Variants in TYW1B observed in about 807,000 individuals in gnomAD.
TYW1B encodes the protein tRNA-yW synthesizing protein 1 homolog B.
TYW1B carries 73 observed loss-of-function variants against 86.9 expected under a neutral mutation model. That is an observed-to-expected ratio of 0.84 (90% CI 0.70 to 1.02). The LOEUF is 1.02. TYW1B is among the 50% of genes least tolerant of loss of function. The pLI is 0.00. For missense variants in TYW1B, 637 were observed against 827.4 expected (o/e 0.77, Z 2.82); for synonymous variants, 248 against 292.8 (o/e 0.85, Z 1.56).
At chr7:72,751,369 T>C (rs2129571492) in intron 7 of TYW1B, among the ~76,000 whole-genome samples, 2 of 152,306 alleles carry the variant, frequency 1.3e-5, no homozygotes, top group Middle Eastern at 3.4e-3. Context: ...TTCTGTCCTG[T>C]TCACCAATCG....
Position 72,609,058 on chromosome 7 carries a change from C to T in TYW1B, c.1785+7614G>A, listed in dbSNP as rs148941713. 1.1e-4 allele frequency among the ~76,000 whole-genome samples: 16 copies of T among 152,252 alleles called. No individual in the cohort carries two copies. The East Asian group carries it at 1.5e-3, about 15-fold the overall frequency. On this transcript the variant is annotated intron_variant, in intron 13 of 13. Transcript: ENST00000620995. ...GATAACGTACTATGATCACGTAAGA[C>T]GTTATCACTGGGGGAAACTACATGA... is the stretch of plus-strand genomic sequence containing the variant.
intron 11 of TYW1B, among the ~76,000 whole-genome samples, chr7:72,632,321 T>TTA (rs71069094): frequency 0.085 from 6,295 of 73,636 alleles, 522 homozygotes; most frequent in East Asian, 0.32. Flanking sequence ...ATTATATATA[T>TTA]TATATATATA....
intron 7 of TYW1B, among the ~76,000 whole-genome samples, chr7:72,752,781 C>G (rs1787522944): frequency 6.8e-6 from 1 of 147,700 alleles, no homozygotes; most frequent in Non-Finnish European, 1.5e-5. Context: ...AACTTGTACA[C>G]TTTAAATATG....
At chr7:72,710,187 A>G (rs1226415420) in intron 10 of TYW1B, among the ~76,000 whole-genome samples, 1 of 152,198 alleles carries the variant, frequency 6.6e-6, no homozygotes, top group African/African-American at 2.4e-5. Context: ...TTTGCAAAAA[A>G]TTACTATATC....
At position 72,644,858 on chromosome 7, in the gene TYW1B, C is replaced by G. The variant is rs1277960112; in HGVS notation, c.1507-15861G>C. On this transcript the variant is annotated intron_variant, in intron 11 of 13. Coordinates refer to ENST00000620995, the MANE Select transcript of TYW1B (RefSeq NM_001145440.3). ...TTTTTTTTTTTTTTTGAGACAGAGTCTCTCTGTTACCCAGGCTGGAGTGCA... is the reference window on the plus strand; with the variant it reads ...TTTTTTTTTTTTTTTGAGACAGAGTGTCTCTGTTACCCAGGCTGGAGTGCA... 6.9e-5 allele frequency among the ~76,000 whole-genome samples: 9 copies of G among 130,650 alleles called. 1 individual carries two copies. Among genetic ancestry groups the G allele is most frequent in the African/African-American group, 2.7e-4 (9 of 33,924 alleles). The allele number at this position is 130,650 out of a possible 152,430, so 85.7% of individuals were successfully genotyped here. A position where few individuals can be genotyped will look rare whatever the true frequency, so the allele number is the denominator to read the frequency against.
intron 6 of TYW1B, among the ~76,000 whole-genome samples, chr7:72,779,227 A>G (rs1466430987): frequency 3.9e-5 from 6 of 152,228 alleles, no homozygotes; most frequent in African/African-American, 1.4e-4. Flanking sequence ...CTACTTTAAC[A>G]TGAGAATATC....
intron 7 of TYW1B, among the ~76,000 whole-genome samples, chr7:72,765,455 T>C (rs1347381798): frequency 6.6e-6 from 1 of 152,148 alleles, no homozygotes. Flanking sequence ...TTAAAAAGCT[T>C]TATTAGCTGA....
At chr7:72,764,344 G>A (rs1554467931) in intron 7 of TYW1B, among the ~76,000 whole-genome samples, 1 of 152,160 alleles carries the variant, frequency 6.6e-6, no homozygotes, top group East Asian at 1.9e-4. Flanking sequence ...GTGCAGTGGG[G>A]CGATCTCGGC....
chr7:72,577,707 A>G (rs1340793163), intron 13 of TYW1B, among the ~76,000 whole-genome samples: 1 of 152,042 alleles, frequency 6.6e-6, no homozygotes, highest in Non-Finnish European at 1.5e-5. Context: ...GCTTCTCTCA[A>G]CTTCACACAG....
intron 6 of TYW1B, among the ~76,000 whole-genome samples, chr7:72,780,773 C>T (rs1692173855): frequency 6.6e-6 from 1 of 152,156 alleles, no homozygotes; most frequent in Admixed American, 6.6e-5. Context: ...TCACTCCTAA[C>T]CTCCATATGC....
At chr7:72,691,284 C>A (rs577902390) in intron 11 of TYW1B, among the ~76,000 whole-genome samples, 1 of 152,184 alleles carries the variant, frequency 6.6e-6, no homozygotes, top group African/African-American at 2.4e-5. Context: ...ATGCCAAGAA[C>A]GAGAAACAAC....
chr7:72,595,138 C>T (rs1811498277), intron 13 of TYW1B, among the ~76,000 whole-genome samples: 1 of 152,128 alleles, frequency 6.6e-6, no homozygotes, highest in Admixed American at 6.5e-5. Context: ...GTTCTCACCA[C>T]AGCAATTAGG....
intron 13 of TYW1B, among the ~76,000 whole-genome samples, chr7:72,602,327 C>G (rs1430716603): frequency 1.3e-5 from 2 of 152,104 alleles, no homozygotes; most frequent in Non-Finnish European, 2.9e-5. Context: ...AGGTCTCTCA[C>G]TGTTGGGTTG....
At chr7:72,595,042 T>C (rs1235079216) in intron 13 of TYW1B, among the ~76,000 whole-genome samples, 4 of 152,182 alleles carry the variant, frequency 2.6e-5, no homozygotes, top group East Asian at 3.8e-4. Context: ...TCATACTCAA[T>C]AGTAAAACAT....
chr7:72,740,491 A>G (rs1346104794), intron 8 of TYW1B, among the ~76,000 whole-genome samples: 1 of 127,796 alleles, frequency 7.8e-6, no homozygotes, highest in Non-Finnish European at 1.7e-5. Flanking sequence ...TTTTTCTCCA[A>G]TTTTTTTCCT....
rs371258816 is a variant in TYW1B, at chr7:72,584,676, G to A, written c.1786-8957C>T. Among the ~76,000 whole-genome samples, 55 of 152,108 alleles carry A rather than the reference G, an allele frequency of 3.6e-4. No individual in the cohort carries two copies. The South Asian group carries it at 4.6e-3, about 13-fold the overall frequency. ...TCGCCACGTTGGCCTGGCTGGTCTC[G>A]AACTCCTGACCTCAGGTGATCTGCC... On this transcript the variant is annotated intron_variant, in intron 13 of 13. Coordinates refer to ENST00000620995, the MANE Select transcript of TYW1B (RefSeq NM_001145440.3).
intron 7 of TYW1B, among the ~76,000 whole-genome samples, chr7:72,763,939 T>C (rs1787729514): frequency 6.6e-6 from 1 of 152,236 alleles, no homozygotes; most frequent in South Asian, 2.1e-4. Context: ...GGTATGTTAT[T>C]GATATAAATA....
chr7:72,806,808 G>A (rs1261273640), intron 5 of TYW1B, among the ~76,000 whole-genome samples: 2 of 151,824 alleles, frequency 1.3e-5, no homozygotes, highest in Non-Finnish European at 2.9e-5. Flanking sequence ...GCACCACCAT[G>A]CCTTGCTAAA....
At chr7:72,705,956 A>G (rs556275647) in intron 10 of TYW1B, among the ~76,000 whole-genome samples, 1 of 152,354 alleles carries the variant, frequency 6.6e-6, no homozygotes, top group South Asian at 2.1e-4. Context: ...AACATCAGCT[A>G]TGATGCACCT....
Sources: gnomAD v4.1 joint callset for allele counts (sites outside exome capture counted in the v4.1 genomes callset) on GRCh38, gnomAD v4.1.1 for gene constraint, MANE v1.5 for transcripts, NCBI Gene and HGNC (gene_info 2026-07-23, HGNC 2026-07-21) for gene names.